Variants in HSDL1 observed in about 807,000 individuals in gnomAD.
The protein encoded by HSDL1 is inactive hydroxysteroid dehydrogenase-like protein 1.
Under a neutral mutation model 31.5 loss-of-function variants are expected in HSDL1, and 29 were observed. The ratio of observed to expected loss-of-function variants is 0.92; its 90% CI spans 0.69 to 1.26. HSDL1 has a LOEUF of 1.26. HSDL1 is among the 50% of genes most tolerant of loss of function. HSDL1 has a pLI of 0.00. For missense variants in HSDL1, 503 were observed against 416.6 expected, an observed-to-expected ratio of 1.21 and a Z score of -1.81; for synonymous variants, 222 against 155.2, an observed-to-expected ratio of 1.43 and a Z score of -3.20.
chr16:84,139,675 C>T (rs994350507), intron 1 of HSDL1, among the ~76,000 whole-genome samples: 16 of 152,156 alleles, frequency 1.1e-4, no homozygotes, highest in Admixed American at 7.2e-4. Context: ...GATGGATGAA[C>T]AGTCAGTTCA....
intron 1 of HSDL1, among the ~76,000 whole-genome samples, chr16:84,140,313 G>A (rs1459277490): frequency 6.6e-6 from 1 of 152,200 alleles, no homozygotes; most frequent in African/African-American, 2.4e-5. Context: ...CTTCCAGGCT[G>A]GAGTGCAATG....
chr16:84,140,350 C>T (rs1334373056), intron 1 of HSDL1, among the ~76,000 whole-genome samples: 4 of 152,084 alleles, frequency 2.6e-5, no homozygotes, highest in Non-Finnish European at 4.4e-5. Flanking sequence ...CTGCAACCTC[C>T]GCCTCCTGGG....
At chr16:84,128,048 G>T (rs2086626652) in intron 5 of HSDL1, among the ~76,000 whole-genome samples, 1 of 150,542 alleles carries the variant, frequency 6.6e-6, no homozygotes, top group Admixed American at 6.6e-5. Flanking sequence ...CAGCACTTTG[G>T]GAGGCCAAGG....
intron 5 of HSDL1, among the ~76,000 whole-genome samples, chr16:84,126,907 A>G (rs1414371966): frequency 1.3e-5 from 2 of 152,208 alleles, no homozygotes; most frequent in African/African-American, 2.4e-5. Context: ...TGAAAACAGA[A>G]AGTTTTAACA....
At chr16:84,133,221 T>C (rs963626318) in intron 2 of HSDL1, among the ~76,000 whole-genome samples, 6 of 152,044 alleles carry the variant, frequency 3.9e-5, no homozygotes, top group African/African-American at 1.4e-4. Flanking sequence ...TTTAAAACTA[T>C]TGAATAAATA....
intron 1 of HSDL1, among the ~76,000 whole-genome samples, chr16:84,137,468 G>C (rs1052092261): frequency 6.6e-6 from 1 of 152,218 alleles, no homozygotes. Context: ...TGAGCACCAA[G>C]GGAGGGAGCT....
chr16:84,132,941 C>T (rs2086681691), intron 2 of HSDL1, among the ~76,000 whole-genome samples: 1 of 149,632 alleles, frequency 6.7e-6, no homozygotes, highest in South Asian at 2.1e-4. Flanking sequence ...TATAAAACTT[C>T]TGGGGGTGGC....
intron 5 of HSDL1, among the ~76,000 whole-genome samples, chr16:84,125,978 C>A (rs2086602700): frequency 6.6e-6 from 1 of 152,008 alleles, no homozygotes; most frequent in African/African-American, 2.4e-5. Context: ...TGGCGGGAGC[C>A]TGTAGTCCCA....
chr16:84,123,895 T>G lies in HSDL1; in HGVS notation c.*735A>C, dbSNP rs1448146507. On this transcript the variant is annotated 3_prime_UTR_variant, in exon 6 of 6. Coordinates refer to ENST00000219439, the MANE Select transcript of HSDL1 (RefSeq NM_031463.5). ...AAAAACACAAATATAATGTAGGAAG[T>G]AATATCATTCATGGCAAACCAACAG... 2.0e-5 allele frequency: 3 copies of G among 152,232 alleles called. No homozygotes were observed. Among genetic ancestry groups the G allele is most frequent in the Non-Finnish European group, 4.4e-5 (3 of 68,028 alleles). The allele number at this position is 152,232 out of a possible 1,614,324, so 9.4% of individuals were successfully genotyped here. A position where few individuals can be genotyped will look rare whatever the true frequency, so the allele number is the denominator to read the frequency against.
rs554623743 is a variant in HSDL1 at position 84,145,013 on chromosome 16, G to T, written c.-69+67C>A. 7.2e-5 allele frequency: 11 copies of T among 153,000 alleles called. No individual in the cohort carries two copies. The East Asian group carries it at 1.9e-3, about 27-fold the overall frequency. The allele number at this position is 153,000 out of a possible 1,614,324, so 9.5% of individuals were successfully genotyped here. A position where few individuals can be genotyped will look rare whatever the true frequency, so the allele number is the denominator to read the frequency against. On this transcript the variant is annotated intron_variant, in intron 1 of 5. Transcript: ENST00000219439. ...CGCCAAGCAGCCGGCTGGCGCTGAG[G>T]GGACCGAGGAGGGGTCTGGGGCGAA... is the stretch of plus-strand genomic sequence containing the variant.
intron 2 of HSDL1, among the ~76,000 whole-genome samples, chr16:84,135,093 C>T (rs553500149): frequency 3.7e-4 from 57 of 152,062 alleles, no homozygotes; most frequent in African/African-American, 1.3e-3. Flanking sequence ...ATTAGCAGGG[C>T]GTGGTGGCGG....
chr16:84,128,509 T>A (rs1191235704), intron 5 of HSDL1, among the ~76,000 whole-genome samples: 1 of 152,118 alleles, frequency 6.6e-6, no homozygotes, highest in Non-Finnish European at 1.5e-5. Flanking sequence ...CTTGAAAAAA[T>A]TAGTCTAAGA....
rs761090490 is a variant in HSDL1, at chr16:84,130,249, G to T, written c.403C>A (p.Pro135Thr). 3 of 1,614,196 alleles carry T rather than the reference G, an allele frequency of 1.9e-6. No homozygotes were observed. The highest frequency in any genetic ancestry group is 2.5e-6 in the Non-Finnish European group (3 of 1,180,046). ...TTGTCCTTCAGGGCTTCTCGAATTGGAAGGTAGATCTCACGACCGCTGCTG... is the reference window on the plus strand; with the variant it reads ...TTGTCCTTCAGGGCTTCTCGAATTGTAAGGTAGATCTCACGACCGCTGCTG... ...DFSSGREIYL[P>T]IREALKDKDV... is the part of the protein sequence containing the mutation. Residue 135 changes from proline (P) to threonine (T), a missense_variant, in exon 4 of 6, where the codon CCA (proline) becomes ACA (threonine). Transcript: ENST00000219439.
chr16:84,123,644 T>G lies in HSDL1; in HGVS notation c.*986A>C, dbSNP rs1466995213. 2 of 152,262 alleles carry G rather than the reference T, an allele frequency of 1.3e-5. No homozygotes were observed. The highest frequency in any genetic ancestry group is 2.9e-5 in the Non-Finnish European group (2 of 68,036). 9.4% of individuals were successfully genotyped at this position (152,262 alleles called of 1,614,324 possible). On this transcript the variant is annotated 3_prime_UTR_variant, in exon 6 of 6. Transcript: ENST00000219439. Reference sequence around the variant, plus strand: ...CATATTTTACTATTCCATAAATACTTACTATTTCTATCAATAATGCTACTG... The same window carrying G: ...CATATTTTACTATTCCATAAATACTGACTATTTCTATCAATAATGCTACTG...
chr16:84,127,363 G>A (rs116047542), intron 5 of HSDL1, among the ~76,000 whole-genome samples: 4,287 of 151,160 alleles, frequency 0.028, 174 homozygotes, highest in African/African-American at 0.099. Flanking sequence ...CTACAGGCGT[G>A]CACCACCATG....
intron 1 of HSDL1, among the ~76,000 whole-genome samples, chr16:84,136,915 A>G (rs1354588756): frequency 1.3e-5 from 2 of 152,322 alleles, no homozygotes; most frequent in Admixed American, 6.5e-5. Flanking sequence ...ACTCACATCC[A>G]CAAAACCCAC....
Position 84,129,620 on chromosome 16 carries a change from G to A in HSDL1, c.822C>T (p.Val274=), listed in dbSNP as rs1407879405. 6.2e-7 allele frequency: 1 copy of A among 1,614,228 alleles called. No individual in the cohort carries two copies. The highest frequency in any genetic ancestry group is 8.5e-7 in the Non-Finnish European group (1 of 1,180,050). The change falls in exon 5 of 6, where the codon GTC becomes GTT. Residue 274 remains valine (V), a synonymous_variant. Transcript: ENST00000219439. ...RCSWLVPSPK[V]YAHHAVSTLG... Reference sequence around the variant, plus strand: ...GAGTAGAAACAGCATGATGTGCATAGACTTTTGGCGAAGGCACCAACCACG... The same window carrying A: ...GAGTAGAAACAGCATGATGTGCATAAACTTTTGGCGAAGGCACCAACCACG...
At chr16:84,131,872 G>C (rs1164422347) in intron 2 of HSDL1, among the ~76,000 whole-genome samples, 2 of 152,154 alleles carry the variant, frequency 1.3e-5, no homozygotes, top group Non-Finnish European at 2.9e-5. Flanking sequence ...GTAGAGACAG[G>C]GTTTCACCGC....
At chr16:84,127,333 A>C (rs2086619451) in intron 5 of HSDL1, among the ~76,000 whole-genome samples, 1 of 148,450 alleles carries the variant, frequency 6.7e-6, no homozygotes, top group Non-Finnish European at 1.5e-5. Context: ...CTCATGCCTC[A>C]GACTCCCAGG....
Sources: allele counts gnomAD v4.1 joint callset (sites outside exome capture counted in the v4.1 genomes callset), GRCh38; gene constraint gnomAD v4.1.1; transcripts MANE v1.5; gene names NCBI Gene and HGNC (gene_info 2026-07-23, HGNC 2026-07-21).